The following RPAP3 variants were observed in gnomAD, a reference collection of about 807,000 sequenced individuals.
RPAP3 encodes RNA polymerase II associated protein 3.
Under a neutral mutation model 88.8 loss-of-function variants are expected in RPAP3, and 58 were observed. The ratio of observed to expected loss-of-function variants is 0.65; its 90% CI spans 0.53 to 0.81. The LOEUF is 0.81. RPAP3 is among the 40% of genes least tolerant of loss of function. The pLI, the probability that RPAP3 is intolerant of heterozygous loss-of-function variation, is 0.00. For missense variants in RPAP3, 751 were observed against 764.3 expected, an observed-to-expected ratio of 0.98 and a Z score of 0.20; for synonymous variants, 255 against 259.9, an observed-to-expected ratio of 0.98 and a Z score of 0.18.
At chr12:47,702,950 T>C (rs1379828741) in intron 1 of RPAP3, 104 bp from the exon 2 acceptor site, 9 of 731,262 alleles carry the variant, frequency 1.2e-5, no homozygotes, top group African/African-American at 1.1e-4. Context: ...GTGGCCAAGA[T>C]ACATGGACAG....
chr12:47,697,848 A>G (rs1043558729), intron 3 of RPAP3, 129 bp from the exon 4 acceptor site: 25 of 785,560 alleles, frequency 3.2e-5, no homozygotes, highest in Non-Finnish European at 4.7e-5. Flanking sequence ...CAGCCTTACA[A>G]AGCAACCCAA....
At chr12:47,700,219 T>C (rs1939630373) in intron 3 of RPAP3, 1 of 152,088 alleles carries the variant, frequency 6.6e-6, no homozygotes, top group Admixed American at 6.6e-5. Context: ...TTGATGCACA[T>C]TATACCTCAG....
At chr12:47,687,539 G>A (rs1048773642) in intron 8 of RPAP3, among the ~76,000 whole-genome samples, 1 of 152,182 alleles carries the variant, frequency 6.6e-6, no homozygotes, top group East Asian at 1.9e-4. Context: ...ATCAGAAACA[G>A]TCCAGTGTGA....
chr12:47,673,842 T>C (rs895802035), intron 12 of RPAP3, among the ~76,000 whole-genome samples: 1 of 152,128 alleles, frequency 6.6e-6, no homozygotes, highest in Non-Finnish European at 1.5e-5. Flanking sequence ...TTTCATAATT[T>C]ACTTGATGCA....
intron 16 of RPAP3, among the ~76,000 whole-genome samples, chr12:47,666,716 T>C (rs1712712556): frequency 6.6e-6 from 1 of 152,228 alleles, no homozygotes; most frequent in Non-Finnish European, 1.5e-5. Context: ...AGCCTCTCTA[T>C]ACCTGTTTCC....
rs1939658342 is a variant in RPAP3, at chr12:47,701,737, A to T, written c.154-133T>A. The T allele has an allele frequency of 1.3e-5, 7 of 559,504 alleles. No individual in the cohort carries two copies. The East Asian group carries it at 2.4e-4, about 19-fold the overall frequency. 34.7% of individuals were successfully genotyped at this position (559,504 alleles called of 1,614,324 possible). A position where few individuals can be genotyped will look rare whatever the true frequency, so the allele number is the denominator to read the frequency against. On this transcript the variant is annotated intron_variant, in intron 2 of 16. Coordinates refer to ENST00000005386, the MANE Select transcript of RPAP3 (RefSeq NM_024604.3). ...AATTTTAAAGTGTTTAAAAAGACCA[A>T]TTTACCACCTTCACTTATAACAATT...
chr12:47,694,850 A>T (rs1939492818), intron 5 of RPAP3, among the ~76,000 whole-genome samples: 1 of 152,222 alleles, frequency 6.6e-6, no homozygotes, highest in Non-Finnish European at 1.5e-5. Context: ...CAGATTGAAA[A>T]CAATTAAGAA....
Position 47,663,484 on chromosome 12 carries a change from TTA to T in RPAP3, c.*19_*20del. ...ATTTACATATGAAAGTCAAAAACAA[TTA>T]TTTCAGCAAAAATGGAAATCAACCA... is the stretch of plus-strand genomic sequence containing the variant. On this transcript the variant is annotated 3_prime_UTR_variant, in exon 17 of 17. Transcript: ENST00000005386. The T allele has an allele frequency of 6.6e-7, 1 of 1,510,232 alleles. No homozygotes were observed. The highest frequency in any genetic ancestry group is 9.0e-7 in the Non-Finnish European group (1 of 1,105,014). The allele number at this position is 1,510,232 out of a possible 1,614,324, so 93.6% of individuals were successfully genotyped here.
chr12:47,683,080 T>C (rs879643420), intron 9 of RPAP3, among the ~76,000 whole-genome samples: 6 of 152,106 alleles, frequency 3.9e-5, no homozygotes, highest in East Asian at 1.9e-4. Flanking sequence ...TCCCACGTCT[T>C]TGAACCTGCA....
At position 47,686,824 on chromosome 12, in the gene RPAP3, G is replaced by C. The variant is rs762031114; in HGVS notation, c.948C>G (p.Ala316=). The change falls in exon 9 of 17, where the codon GCC becomes GCG. Residue 316 remains alanine, a synonymous_variant. Transcript: ENST00000005386. ...TRGIAADGAN[A]LLPANRAMAY... is the part of the protein sequence containing the mutation. The stretch of plus-strand genomic sequence containing the variant: ...CCATAGCTCTGTTAGCTGGAAGAAG[G>C]GCATTAGCACCATCTGCTGCTATCC... 6.2e-7 allele frequency: 1 copy of C among 1,603,354 alleles called. No homozygotes were observed. Among genetic ancestry groups the C allele is most frequent in the African/African-American group, 1.3e-5 (1 of 74,538 alleles).
At chr12:47,682,534 G>A (rs1411700102) in intron 9 of RPAP3, among the ~76,000 whole-genome samples, 3 of 152,058 alleles carry the variant, frequency 2.0e-5, no homozygotes, top group Admixed American at 1.3e-4. Context: ...ACGTCATAAT[G>A]TTTATGATTT....
chr12:47,685,796 T>C (rs1939310800), intron 9 of RPAP3, among the ~76,000 whole-genome samples: 1 of 151,872 alleles, frequency 6.6e-6, no homozygotes, highest in South Asian at 2.1e-4. Context: ...TAGTTTCAAA[T>C]ACAGTACAAT....
chr12:47,670,218 G>A lies in RPAP3; in HGVS notation c.1415C>T (p.Thr472Ile), dbSNP rs764305087. ...TGAATTCTTCTTACTTGTGGTGCCT[G>A]TGGCTGCTATTACATTTGCTAGATT... ...PINLANVIAA[T>I]GTTSKKNSSQ... Residue 472 changes from threonine (T) to isoleucine (I), a missense_variant, in exon 13 of 17, where the codon ACA becomes ATA. Coordinates refer to ENST00000005386, the MANE Select transcript of RPAP3 (RefSeq NM_024604.3). 2 of 1,613,780 alleles carry A rather than the reference G, an allele frequency of 1.2e-6. No individual in the cohort carries two copies. Among genetic ancestry groups the A allele is most frequent in the Non-Finnish European group, 1.7e-6 (2 of 1,179,750 alleles).
intron 4 of RPAP3, among the ~76,000 whole-genome samples, chr12:47,697,151 A>T (rs754167891): frequency 1.1e-4 from 16 of 152,244 alleles, no homozygotes; most frequent in Non-Finnish European, 2.1e-4. Flanking sequence ...GAGATACTGA[A>T]CATTCCAAAA....
intron 12 of RPAP3, among the ~76,000 whole-genome samples, chr12:47,677,637 TTACAATTGCTACAAAGAGAATAA>T (rs1340885281): frequency 4.6e-5 from 7 of 152,006 alleles, no homozygotes; most frequent in East Asian, 1.9e-4. Flanking sequence ...GAACTCCCAT[TTACAATTGCTACAAAGAGAATAA>T]TACAATTGCT....
At chr12:47,673,578 T>C (rs1427959415) in intron 12 of RPAP3, among the ~76,000 whole-genome samples, 1 of 151,942 alleles carries the variant, frequency 6.6e-6, no homozygotes, top group African/African-American at 2.4e-5. Flanking sequence ...TCTGCCTTTA[T>C]AAAAAGAGGA....
intron 2 of RPAP3, 54 bp from the exon 3 acceptor site, chr12:47,701,658 T>C (rs1425301955): frequency 2.3e-6 from 3 of 1,330,062 alleles, no homozygotes; most frequent in Non-Finnish European, 3.0e-6. Flanking sequence ...TGTTACTCTT[T>C]GTATAACTAG....
intron 9 of RPAP3, among the ~76,000 whole-genome samples, chr12:47,686,387 A>C (rs915788274): frequency 6.6e-6 from 1 of 152,234 alleles, no homozygotes; most frequent in African/African-American, 2.4e-5. Flanking sequence ...TTTTTAATCA[A>C]GATCCAGAAT....
intron 10 of RPAP3, among the ~76,000 whole-genome samples, chr12:47,680,462 A>T (rs1939201080): frequency 6.6e-6 from 1 of 151,976 alleles, no homozygotes; most frequent in East Asian, 1.9e-4. Context: ...AACGTTACAT[A>T]TTTTTTTTAA....
Sources: gnomAD v4.1 joint callset for allele counts (sites outside exome capture counted in the v4.1 genomes callset) on GRCh38, gnomAD v4.1.1 for gene constraint, MANE v1.5 for transcripts, NCBI Gene and HGNC (gene_info 2026-07-23, HGNC 2026-07-21) for gene names.